CYB5RL: variants seen among roughly 807,000 people sequenced by gnomAD.
CYB5RL encodes the protein NADH-cytochrome b5 reductase-like.
CYB5RL carries 38 observed loss-of-function variants against 37.5 expected under a neutral mutation model. The observed-to-expected ratio is 1.01, with a 90% confidence interval of 0.78 to 1.33. The LOEUF is 1.33. Ranked by LOEUF, CYB5RL falls within the 40% of genes most tolerant of loss-of-function variation. The pLI is 0.00. For missense variants in CYB5RL, 388 were observed against 394.4 expected (o/e 0.98, Z 0.14); for synonymous variants, 141 against 151.9 (o/e 0.93, Z 0.53).
Position 54,183,246 on chromosome 1 carries a change from G to C in CYB5RL, c.540+915C>G, listed in dbSNP as rs368537866. 7.9e-5 allele frequency among the ~76,000 whole-genome samples: 12 copies of C among 152,272 alleles called. No individual in the cohort carries two copies. The South Asian group carries it at 2.1e-3, about 26-fold the overall frequency. On this transcript the variant is annotated intron_variant, in intron 6 of 7. Transcript: ENST00000534324. ...TTACCTAACTGTTCCCCTGCTGTTG[G>C]ATATTCGGTTGTTTCCAATTTTCTG...
intron 5 of CYB5RL, chr1:54,185,868 G>A (rs1291151062): frequency 2.0e-5 from 3 of 152,462 alleles, no homozygotes; most frequent in Admixed American, 2.0e-4. Context: ...GACCCAGTGG[G>A]AGGTAAATGA....
intron 3 of CYB5RL, among the ~76,000 whole-genome samples, chr1:54,194,047 A>AATG (rs1643982810): frequency 6.7e-6 from 1 of 149,494 alleles, no homozygotes; most frequent in Non-Finnish European, 1.5e-5. Flanking sequence ...TAATAATAAT[A>AATG]ATAATGTCAT....
chr1:54,199,170 C>A (rs1644050083), intron 1 of CYB5RL, among the ~76,000 whole-genome samples: 1 of 152,154 alleles, frequency 6.6e-6, no homozygotes, highest in African/African-American at 2.4e-5. Context: ...GAGGTCCTCC[C>A]TGAACCTTCC....
At chr1:54,178,694 G>A (rs781291233) in intron 7 of CYB5RL, among the ~76,000 whole-genome samples, 1 of 152,174 alleles carries the variant, frequency 6.6e-6, no homozygotes, top group Non-Finnish European at 1.5e-5. Flanking sequence ...TCTGTGCCTG[G>A]CATCATGCTA....
At chr1:54,184,372 G>T in intron 5 of CYB5RL, 107 bp from the exon 6 acceptor site, 1 of 889,584 alleles carries the variant, frequency 1.1e-6, no homozygotes. Context: ...TGCTTCACAT[G>T]TGTTATCTCA....
chr1:54,174,766 G>A lies in CYB5RL; in HGVS notation c.801C>T (p.His267=). 6.2e-7 allele frequency: 1 copy of A among 1,614,010 alleles called. No homozygotes were observed. Among genetic ancestry groups the A allele is most frequent in the Non-Finnish European group, 8.5e-7 (1 of 1,179,892 alleles). ...WSYQEKTHFG[H]LGQDLIKELV... ...GCTCTTTAATTAGGTCCTGGCCCAG[G>A]TGGCCAAAGTGGGTTTTCTCTTGGT... The change falls in exon 8 of 8, where the codon CAC becomes CAT. Residue 267 remains histidine, a synonymous_variant. Coordinates refer to ENST00000534324, the MANE Select transcript of CYB5RL (RefSeq NM_001031672.4).
At position 54,179,187 on chromosome 1, in the gene CYB5RL, G is replaced by C. The variant is rs557567385; in HGVS notation, c.706C>G (p.Arg236Gly). Residue 236 changes from arginine to glycine, a missense_variant, in exon 7 of 8, where the codon CGT becomes GGT. By Grantham distance (125) the Arg-to-Gly change is moderately radical (BLOSUM62 -2). Transcript: ENST00000534324. ...AAGAAGGTACGGACATTCCAGAAACGGGCCTGCTCTTGGAGGAAGGTTTTC... is the reference window on the plus strand; with the variant it reads ...AAGAAGGTACGGACATTCCAGAAACCGGCCTGCTCTTGGAGGAAGGTTTTC... ...YLKTFLQEQA[R>G]FWNVRTFFVL... is the part of the protein sequence containing the mutation. The C allele has an allele frequency of 6.2e-7, 1 of 1,613,620 alleles. No individual in the cohort carries two copies. Among genetic ancestry groups the C allele is most frequent in the Admixed American group, 1.7e-5 (1 of 59,976 alleles).
rs200140712 is a variant in CYB5RL, at chr1:54,179,308, G to A, written c.585C>T (p.Pro195=). Residue 195 remains proline, a synonymous_variant, in exon 7 of 8, where the codon CCC becomes CCT. Coordinates refer to ENST00000534324, the MANE Select transcript of CYB5RL (RefSeq NM_001031672.4). ...LLLAAGTGLA[P]MVPILQSITD... ...TGATGCTCTGCAGGATAGGCACCAT[G>A]GGGGCCAGGCCCGTGCCCGCAGCCA... 6.2e-7 allele frequency: 1 copy of A among 1,613,644 alleles called. No individual in the cohort carries two copies.
rs764400364 is a variant in CYB5RL at position 54,187,661 on chromosome 1, C to T, written c.426G>A (p.Val142=). ...SPANAEGYFE[V]LIKCYQMGLM... ...TCAAGGGTCAACTCACCTTAATTAA[C>T]ACTTCAAAGTATCCTTCTGCGTTGG... is the stretch of plus-strand genomic sequence containing the variant. The change falls in exon 5 of 8, where the codon GTG becomes GTA. Residue 142 remains valine, a synonymous_variant. Coordinates refer to ENST00000534324, the MANE Select transcript of CYB5RL (RefSeq NM_001031672.4). 5 of 1,613,850 alleles carry T rather than the reference C, an allele frequency of 3.1e-6. No individual in the cohort carries two copies. Among genetic ancestry groups the T allele is most frequent in the Non-Finnish European group, 3.4e-6 (4 of 1,179,880 alleles).
Position 54,171,783 on chromosome 1 carries a change from C to T in CYB5RL, c.*2836G>A, listed in dbSNP as rs1429397767. On this transcript the variant is annotated 3_prime_UTR_variant, in exon 8 of 8. Transcript: ENST00000534324. ...ACAGCAGCTGATGGGAACCATGCCC[C>T]CACAGCTCCAAGAGGTCTGAACTCA... The T allele has an allele frequency of 3.3e-6, 1 of 304,344 alleles. No homozygotes were observed. The highest frequency in any genetic ancestry group is 7.8e-5 in the East Asian group (1 of 12,872). 18.9% of individuals were successfully genotyped at this position (304,344 alleles called of 1,614,324 possible).
intron 1 of CYB5RL, 132 bp from the exon 2 acceptor site, chr1:54,196,623 A>G (rs866476577): frequency 6.6e-6 from 1 of 152,240 alleles, no homozygotes; most frequent in South Asian, 2.1e-4. Context: ...GCATTCCAGA[A>G]GCCACCTGTG....
At chr1:54,197,953 A>G (rs1053545311) in intron 1 of CYB5RL, among the ~76,000 whole-genome samples, 10 of 142,992 alleles carry the variant, frequency 7.0e-5, no homozygotes, top group Non-Finnish European at 1.1e-4. Context: ...GCGTGAACCC[A>G]GGAGGCGGAG....
At position 54,171,659 on chromosome 1, in the gene CYB5RL, G is replaced by A. The variant is rs115460521; in HGVS notation, c.*2960C>T. 582 of 352,374 alleles carry A rather than the reference G, an allele frequency of 1.7e-3. 2 individuals carry two copies. The highest frequency in any genetic ancestry group is 0.012 in the African/African-American group (555 of 46,776). The allele number at this position is 352,374 out of a possible 1,614,324, so 21.8% of individuals were successfully genotyped here. ...GTGGACACCTGGTTGACCTCTTGAT[G>A]CCTGCGTATCATGTCTAGCTCCTAA... On this transcript the variant is annotated 3_prime_UTR_variant, in exon 8 of 8. Coordinates refer to ENST00000534324, the MANE Select transcript of CYB5RL (RefSeq NM_001031672.4).
At position 54,179,217 on chromosome 1, in the gene CYB5RL, AG is replaced by A; in HGVS notation, c.675del (p.Tyr226ThrfsTer2). On this transcript the variant is annotated frameshift_variant, in exon 7 of 8. Transcript: ENST00000534324. LOFTEE classifies it high-confidence loss of function. ...LVGCFKTFES[I>X]YLKTFLQEQA... is the part of the protein sequence containing the mutation. ...TGCTCTTGGAGGAAGGTTTTCAGGTAGATGCTCTCAAAGGTCTTGAAGCAAC... is the reference window on the plus strand; with the variant it reads ...TGCTCTTGGAGGAAGGTTTTCAGGTAATGCTCTCAAAGGTCTTGAAGCAAC... 1 of 1,613,798 alleles carries A rather than the reference AG, an allele frequency of 6.2e-7. No homozygotes were observed. The highest frequency in any genetic ancestry group is 8.5e-7 in the Non-Finnish European group (1 of 1,179,838).
intron 3 of CYB5RL, among the ~76,000 whole-genome samples, chr1:54,192,765 T>C (rs2100481476): frequency 6.6e-6 from 1 of 152,100 alleles, no homozygotes. Flanking sequence ...TGTTTCTTTT[T>C]TTTTTTTTGA....
intron 5 of CYB5RL, among the ~76,000 whole-genome samples, chr1:54,187,031 T>G (rs761988778): frequency 1.3e-5 from 2 of 152,172 alleles, no homozygotes; most frequent in Non-Finnish European, 2.9e-5. Flanking sequence ...GATGTTTCTT[T>G]AAGTCAAAAA....
chr1:54,190,604 C>A, intron 4 of CYB5RL, 144 bp downstream of exon 4: 1 of 1,006,166 alleles, frequency 9.9e-7, no homozygotes, highest in Admixed American at 2.3e-5. Context: ...ATCCCAAGAA[C>A]TCTCTGAGTC....
intron 7 of CYB5RL, among the ~76,000 whole-genome samples, chr1:54,178,497 G>A (rs1660076924): frequency 6.6e-6 from 1 of 152,190 alleles, no homozygotes; most frequent in Non-Finnish European, 1.5e-5. Context: ...CTATGGGGGT[G>A]GCCCCAGAAG....
chr1:54,180,680 G>A (rs1470262686), intron 6 of CYB5RL, among the ~76,000 whole-genome samples: 1 of 152,082 alleles, frequency 6.6e-6, no homozygotes, highest in Non-Finnish European at 1.5e-5. Flanking sequence ...TGATGCAGGG[G>A]TATTTACCAC....
Sources: allele counts gnomAD v4.1 joint callset (sites outside exome capture counted in the v4.1 genomes callset), GRCh38; gene constraint gnomAD v4.1.1; transcripts MANE v1.5; gene names NCBI Gene and HGNC (gene_info 2026-07-23, HGNC 2026-07-21).